Variants in DNAH14 observed in about 807,000 individuals in gnomAD.
The protein encoded by DNAH14 is dynein axonemal heavy chain 14.
DNAH14 carries 478 observed loss-of-function variants against 520.9 expected under a neutral mutation model. The observed-to-expected ratio is 0.92, with a 90% CI of 0.85 to 0.99. The LOEUF (loss-of-function observed/expected upper bound fraction) is 0.99. Ranked by LOEUF, DNAH14 falls within the 50% of genes least tolerant of loss-of-function variation. The probability of loss-of-function intolerance (pLI) is 0.00; values close to 1 mark genes in which losing one functional copy is unlikely to be tolerated. For missense variants in DNAH14, 4,831 were observed against 5,234.5 expected (o/e 0.92, Z 2.38); for synonymous variants, 1,581 against 1,757.2 (o/e 0.90, Z 2.51).
intron 21 of DNAH14, among the ~76,000 whole-genome samples, chr1:225,089,464 A>AAAAG (rs775049047): frequency 1.9e-4 from 26 of 138,314 alleles, no homozygotes; most frequent in South Asian, 7.1e-4. Flanking sequence ...AAAAAAAAAA[A>AAAAG]AGAGAGCGAG....
intron 28 of DNAH14, among the ~76,000 whole-genome samples, chr1:225,144,170 G>C (rs146005235): frequency 1.0e-3 from 157 of 152,192 alleles, no homozygotes; most frequent in African/African-American, 3.4e-3. Flanking sequence ...TAGCCTCAGA[G>C]GGAAGCATGT....
At chr1:225,128,665 C>T (rs1458484892) in intron 27 of DNAH14, among the ~76,000 whole-genome samples, 2 of 151,914 alleles carry the variant, frequency 1.3e-5, no homozygotes, top group Non-Finnish European at 2.9e-5. Context: ...TGGGACGTAT[C>T]TCAAAATAAT....
Position 225,140,890 on chromosome 1 carries a change from G to T in DNAH14, c.4377G>T (p.Val1459=). The T allele has an allele frequency of 6.4e-7, 1 of 1,551,338 alleles. No homozygotes were observed. The highest frequency in any genetic ancestry group is 1.2e-5 in the South Asian group (1 of 84,056). ...CHLEEVADLV[V]LDTSNSRTKA... Reference sequence around the variant, plus strand: ...TAGAAGAGGTTGCAGACCTGGTAGTGCTGGATACTAGTAACTCTCGAACAA... The same window carrying T: ...TAGAAGAGGTTGCAGACCTGGTAGTTCTGGATACTAGTAACTCTCGAACAA... Residue 1459 remains valine, a synonymous_variant, in exon 28 of 86, where the codon GTG becomes GTT. Coordinates refer to ENST00000682510, the MANE Select transcript of DNAH14 (RefSeq NM_001367479.1).
At chr1:224,970,228 C>G (rs191963186) in intron 7 of DNAH14, among the ~76,000 whole-genome samples, 7 of 152,174 alleles carry the variant, frequency 4.6e-5, no homozygotes, top group African/African-American at 1.7e-4. Flanking sequence ...TGAAATAAGC[C>G]CCAGTCCCGT....
intron 83 of DNAH14, among the ~76,000 whole-genome samples, chr1:225,391,199 G>A (rs1472277028): frequency 1.1e-4 from 17 of 152,226 alleles, no homozygotes; most frequent in Admixed American, 1.1e-3. Flanking sequence ...TCCTGTGGCA[G>A]CAGAAACCAC....
chr1:224,990,255 G>A (rs2125751741), intron 8 of DNAH14, among the ~76,000 whole-genome samples: 1 of 152,236 alleles, frequency 6.6e-6, no homozygotes, highest in East Asian at 1.9e-4. Context: ...TGAATACAAC[G>A]TGGAATAATT....
At chr1:225,398,046 C>CAAAAAAAA (rs11458055) in intron 84 of DNAH14, 17 of 66,828 alleles carry the variant, frequency 2.5e-4, no homozygotes, top group African/African-American at 1.1e-3. Flanking sequence ...GACCCCATGT[C>CAAAAAAAA]AAAAAAAAAA....
rs1355710465 is a variant in DNAH14, at chr1:225,381,657, A to G, written c.13077+78A>G. 1.8e-4 allele frequency: 195 copies of G among 1,111,954 alleles called. No homozygotes were observed. The highest frequency in any genetic ancestry group is 2.4e-4 in the Non-Finnish European group (190 of 789,970). 68.9% of individuals were successfully genotyped at this position (1,111,954 alleles called of 1,614,324 possible). A position where few individuals can be genotyped will look rare whatever the true frequency, so the allele number is the denominator to read the frequency against. ...AAGTTCAAGGGAATGGTGAAGGTAA[A>G]TGGTGCATCTGTGTGATGAAATATG... On this transcript the variant is annotated intron_variant, in intron 81 of 85. Transcript: ENST00000682510.
chr1:225,128,306 A>G (rs1395303172), intron 27 of DNAH14, among the ~76,000 whole-genome samples: 2 of 152,058 alleles, frequency 1.3e-5, no homozygotes, highest in Non-Finnish European at 2.9e-5. Context: ...ATCCTCCCTA[A>G]CTCATTTTAT....
intron 66 of DNAH14, among the ~76,000 whole-genome samples, chr1:225,336,524 A>G (rs1219239350): frequency 6.6e-6 from 1 of 152,232 alleles, no homozygotes; most frequent in East Asian, 1.9e-4. Flanking sequence ...TCATAGTGAA[A>G]GATTTTAACA....
chr1:224,947,698 C>A (rs1044803795), intron 1 of DNAH14, among the ~76,000 whole-genome samples: 1 of 151,932 alleles, frequency 6.6e-6, no homozygotes, highest in East Asian at 1.9e-4. Flanking sequence ...TGTATATTTA[C>A]GTATGAGTAC....
chr1:225,221,086 A>G (rs187880936), intron 41 of DNAH14, among the ~76,000 whole-genome samples: 1 of 152,348 alleles, frequency 6.6e-6, no homozygotes, highest in Non-Finnish European at 1.5e-5. Flanking sequence ...TGATGTTGGG[A>G]AAACTGGCTA....
intron 8 of DNAH14, among the ~76,000 whole-genome samples, chr1:224,986,236 CAAAT>C (rs2062627071): frequency 6.9e-6 from 1 of 144,484 alleles, no homozygotes; most frequent in African/African-American, 2.5e-5. Context: ...ACTATTCTGA[CAAAT>C]AGAGTATTTG....
Position 225,338,117 on chromosome 1 carries a change from T to A in DNAH14, c.10368T>A (p.Tyr3456Ter), listed in dbSNP as rs759768958. The change falls in exon 68 of 86, where the codon TAT (tyrosine) becomes TAA (stop). Residue 3456 changes from tyrosine (Y) to a stop codon, truncating the protein, a stop_gained. Coordinates refer to ENST00000682510, the MANE Select transcript of DNAH14 (RefSeq NM_001367479.1). LOFTEE classifies it high-confidence loss of function. Reference sequence around the variant, plus strand: ...AGGCAATTCTGAAAAAGGATATCTATCAGAAAAAAGGACACTATTTCATAA... The same window carrying A: ...AGGCAATTCTGAAAAAGGATATCTAACAGAAAAAAGGACACTATTTCATAA... ...GLKAILKKDIYQKKGHYFIRV... is the reference protein window; with the variant it reads ...GLKAILKKDI 4.5e-6 allele frequency: 7 copies of A among 1,551,570 alleles called. No individual in the cohort carries two copies. The highest frequency in any genetic ancestry group is 5.2e-6 in the Non-Finnish European group (6 of 1,146,876).
At chr1:225,371,158 A>G (rs1161059814) in intron 77 of DNAH14, among the ~76,000 whole-genome samples, 3 of 152,202 alleles carry the variant, frequency 2.0e-5, no homozygotes, top group African/African-American at 7.2e-5. Flanking sequence ...ATACCTGAAT[A>G]ATATACATAA....
chr1:225,374,182 T>TATATATATATATACAC (rs1263904206), intron 77 of DNAH14, among the ~76,000 whole-genome samples: 1 of 97,120 alleles, frequency 1.0e-5, no homozygotes, highest in African/African-American at 3.5e-5. Context: ...TATATATATA[T>TATATATATATATACAC]ACTATTCTAG....
intron 55 of DNAH14, among the ~76,000 whole-genome samples, chr1:225,296,494 T>C (rs2094009691): frequency 6.7e-6 from 1 of 150,190 alleles, no homozygotes. Flanking sequence ...TTATCGTTTA[T>C]GTTTGTGGTG....
At chr1:225,096,091 G>A (rs966893306) in intron 21 of DNAH14, among the ~76,000 whole-genome samples, 4 of 151,992 alleles carry the variant, frequency 2.6e-5, no homozygotes, top group South Asian at 2.1e-4. Flanking sequence ...CTCTGCCTCC[G>A]GAGTATCTGG....
At position 225,289,945 on chromosome 1, in the gene DNAH14, A is replaced by C; in HGVS notation, c.8332A>C (p.Asn2778His). 6.5e-7 allele frequency: 1 copy of C among 1,527,026 alleles called. No individual in the cohort carries two copies. Among genetic ancestry groups the C allele is most frequent in the Non-Finnish European group, 8.8e-7 (1 of 1,134,998 alleles). The allele number at this position is 1,527,026 out of a possible 1,614,324, so 94.6% of individuals were successfully genotyped here. A position where few individuals can be genotyped will look rare whatever the true frequency, so the allele number is the denominator to read the frequency against. ...CATLACYLTDNKLYRVPISHK... is the reference protein window; with the variant it reads ...CATLACYLTDHKLYRVPISHK... ...AACCTTGGCCTGTTATTTGACAGAT[A>C]ATAAACTATACCGAGTGCCTATATC... The change falls in exon 55 of 86, where the codon AAT (asparagine) becomes CAT (histidine). Residue 2778 changes from asparagine to histidine, a missense_variant. By Grantham distance (68) the Asn-to-His change is moderately conservative. Transcript: ENST00000682510.
Sources: gnomAD v4.1 joint callset for allele counts (sites outside exome capture counted in the v4.1 genomes callset) on GRCh38, gnomAD v4.1.1 for gene constraint, MANE v1.5 for transcripts, NCBI Gene and HGNC (gene_info 2026-07-23, HGNC 2026-07-21) for gene names.